Variants in PDE4B observed in about 807,000 individuals in gnomAD.
PDE4B encodes the protein phosphodiesterase 4B.
A neutral mutation model predicts 82.2 loss-of-function variants in PDE4B; 20 were observed. That is an observed-to-expected ratio of 0.24 (90% CI 0.17 to 0.35). The LOEUF is 0.35. Among genes scored for constraint, PDE4B ranks in the 10% least tolerant of loss-of-function variants. The pLI is 1.00. For missense variants in PDE4B, 655 were observed against 907.2 expected, an observed-to-expected ratio of 0.72 and a Z score of 3.57; for synonymous variants, 320 against 318.9, an observed-to-expected ratio of 1.00 and a Z score of -0.04.
At chr1:66,313,160 A>T (rs1036799523) in intron 7 of PDE4B, among the ~76,000 whole-genome samples, 1 of 152,158 alleles carries the variant, frequency 6.6e-6, no homozygotes, top group Non-Finnish European at 1.5e-5. Flanking sequence ...CTTAAAATGC[A>T]CTTACCTTCT....
intron 8 of PDE4B, chr1:66,354,963 G>A: frequency 7.4e-7 from 1 of 1,353,136 alleles, no homozygotes; most frequent in Non-Finnish European, 1.0e-6. Context: ...GTTTTTTTGT[G>A]AAGTACAGGA....
At position 65,804,752 on chromosome 1, in the gene PDE4B, A is replaced by G. The variant is rs554900347; in HGVS notation, c.-71+11504A>G. Among the ~76,000 whole-genome samples the G allele has an allele frequency of 1.7e-4, 26 of 152,210 alleles. No homozygotes were observed. The South Asian group carries it at 5.4e-3, about 32-fold the overall frequency. ...CTTGGTCATGTAATGATACTGAGCT[A>G]TTCCAGGTGGGCTGGGAGGAGGAAG... On this transcript the variant is annotated intron_variant, in intron 1 of 16. Coordinates refer to ENST00000341517, the MANE Select transcript of PDE4B (RefSeq NM_002600.4).
intron 3 of PDE4B, among the ~76,000 whole-genome samples, chr1:66,206,559 GATA>G (rs1052235539): frequency 6.6e-6 from 1 of 152,186 alleles, no homozygotes; most frequent in African/African-American, 2.4e-5. Flanking sequence ...CTTTGGGTGG[GATA>G]ATAAGAGATA....
At chr1:65,866,860 T>C (rs1326130516) in intron 1 of PDE4B, among the ~76,000 whole-genome samples, 1 of 152,202 alleles carries the variant, frequency 6.6e-6, no homozygotes, top group Non-Finnish European at 1.5e-5. Flanking sequence ...AATGTATGAC[T>C]CATATTTGAA....
At chr1:66,323,550 C>G (rs564140289) in intron 7 of PDE4B, among the ~76,000 whole-genome samples, 1 of 152,140 alleles carries the variant, frequency 6.6e-6, no homozygotes, top group Non-Finnish European at 1.5e-5. Context: ...AATAGGCACT[C>G]AAAAATTTTA....
At chr1:66,348,229 C>T (rs1412093640) in intron 8 of PDE4B, among the ~76,000 whole-genome samples, 5 of 152,216 alleles carry the variant, frequency 3.3e-5, no homozygotes, top group Admixed American at 6.5e-5. Context: ...AGCCGTTATA[C>T]CTGTACAGAA....
chr1:66,358,734 C>T (rs1017182863), intron 9 of PDE4B, among the ~76,000 whole-genome samples: 13 of 151,250 alleles, frequency 8.6e-5, no homozygotes, highest in Non-Finnish European at 1.9e-4. Context: ...CCTGTAAGAC[C>T]ATGGCAACCA....
intron 3 of PDE4B, among the ~76,000 whole-genome samples, chr1:66,217,619 C>A (rs1221396895): frequency 6.6e-6 from 1 of 152,056 alleles, no homozygotes; most frequent in Non-Finnish European, 1.5e-5. Context: ...TAGGGAGAGG[C>A]AAATGGAGAA....
intron 3 of PDE4B, among the ~76,000 whole-genome samples, chr1:66,231,488 C>G (rs1353011909): frequency 6.6e-6 from 1 of 152,194 alleles, no homozygotes; most frequent in East Asian, 1.9e-4. Flanking sequence ...GAGTTATTGA[C>G]AGAGCTGAGA....
intron 3 of PDE4B, among the ~76,000 whole-genome samples, chr1:66,192,358 G>A (rs1452832740): frequency 6.6e-6 from 1 of 152,020 alleles, no homozygotes; most frequent in African/African-American, 2.4e-5. Flanking sequence ...TTTTCACTTA[G>A]AATTTAGACT....
rs558713120 is a variant in PDE4B, at chr1:66,005,872, C to T, written c.281+87037C>T. Reference sequence around the variant, plus strand: ...ATGCCAGCTGAATCCCTAATGCCCACGGAGCACATATGCATTCATTTGATG... The same window carrying T: ...ATGCCAGCTGAATCCCTAATGCCCATGGAGCACATATGCATTCATTTGATG... On this transcript the variant is annotated intron_variant, in intron 3 of 16. Transcript: ENST00000341517. Among the ~76,000 whole-genome samples the T allele has an allele frequency of 3.3e-5, 5 of 152,102 alleles. No individual in the cohort carries two copies. The South Asian group carries it at 8.3e-4, about 25-fold the overall frequency.
chr1:66,174,194 C>T (rs1646889007), intron 3 of PDE4B, among the ~76,000 whole-genome samples: 1 of 152,106 alleles, frequency 6.6e-6, no homozygotes, highest in Non-Finnish European at 1.5e-5. Flanking sequence ...AATTACACCA[C>T]GTCAATTAAT....
chr1:66,121,188 G>A (rs1403262329), intron 3 of PDE4B, among the ~76,000 whole-genome samples: 5 of 152,072 alleles, frequency 3.3e-5, no homozygotes, highest in African/African-American at 1.2e-4. Flanking sequence ...AGTGAAAAGT[G>A]CGAAGACAAA....
Position 66,307,833 on chromosome 1 carries a change from A to T in PDE4B, c.635-24675A>T, listed in dbSNP as rs184851445. Among the ~76,000 whole-genome samples, 80 of 152,186 alleles carry T rather than the reference A, an allele frequency of 5.3e-4. 1 individual carries two copies. The highest frequency in any genetic ancestry group is 2.9e-4 in the Non-Finnish European group (20 of 68,010). On this transcript the variant is annotated intron_variant, in intron 7 of 16. Coordinates refer to ENST00000341517, the MANE Select transcript of PDE4B (RefSeq NM_002600.4). ...TTTTAAATTACTGTTGATGGAATTA[A>T]TGTTAGGTAAAGAGTCAAGCAGACT... is the stretch of plus-strand genomic sequence containing the variant.
intron 1 of PDE4B, among the ~76,000 whole-genome samples, chr1:65,884,824 C>A (rs1260349664): frequency 6.6e-6 from 1 of 152,102 alleles, no homozygotes; most frequent in Non-Finnish European, 1.5e-5. Flanking sequence ...TCTAAAACAC[C>A]AAAAGCAATG....
intron 7 of PDE4B, among the ~76,000 whole-genome samples, chr1:66,307,220 GA>G (rs1658341595): frequency 6.6e-6 from 1 of 152,116 alleles, no homozygotes; most frequent in South Asian, 2.1e-4. Context: ...GAGAAAGATA[GA>G]ATATCATTGA....
At chr1:66,208,169 C>T (rs775737353) in intron 3 of PDE4B, among the ~76,000 whole-genome samples, 10 of 152,154 alleles carry the variant, frequency 6.6e-5, no homozygotes, top group South Asian at 2.1e-4. Flanking sequence ...CTGTCCTTTT[C>T]GCCACTGCTC....
intron 3 of PDE4B, among the ~76,000 whole-genome samples, chr1:66,106,442 G>A (rs1174118006): frequency 6.6e-6 from 1 of 152,080 alleles, no homozygotes; most frequent in African/African-American, 2.4e-5. Context: ...TCAGGATGAT[G>A]CTGGCCTCAT....
At chr1:66,169,857 A>C (rs919908521) in intron 3 of PDE4B, among the ~76,000 whole-genome samples, 2 of 152,194 alleles carry the variant, frequency 1.3e-5, no homozygotes, top group Non-Finnish European at 2.9e-5. Flanking sequence ...TACACGCATC[A>C]TGGGAAGCTA....
Sources: allele counts gnomAD v4.1 joint callset (sites outside exome capture counted in the v4.1 genomes callset), GRCh38; gene constraint gnomAD v4.1.1; transcripts MANE v1.5; gene names NCBI Gene and HGNC (gene_info 2026-07-23, HGNC 2026-07-21).